The following HS2ST1 variants were observed in gnomAD, a reference collection of about 807,000 sequenced individuals.
HS2ST1 encodes the protein heparan sulfate 2-O-sulfotransferase 1, also known as 2-O-sulfotransferase.
HS2ST1 carries 18 observed loss-of-function variants against 42.9 expected under a neutral mutation model. That is an observed-to-expected ratio of 0.42 (90% CI 0.29 to 0.62). HS2ST1 has a LOEUF of 0.62. Among genes scored for constraint, HS2ST1 ranks in the 20% least tolerant of loss-of-function variants. The pLI is 0.21. For missense variants in HS2ST1, 334 were observed against 433.8 expected, an observed-to-expected ratio of 0.77 and a Z score of 2.04; for synonymous variants, 146 against 152.9, an observed-to-expected ratio of 0.95 and a Z score of 0.33.
intron 1 of HS2ST1, among the ~76,000 whole-genome samples, chr1:87,072,091 A>G (rs1651427102): frequency 6.6e-6 from 1 of 152,160 alleles, no homozygotes; most frequent in Non-Finnish European, 1.5e-5. Flanking sequence ...TAAATAGAGA[A>G]TACTAGAAAG....
At chr1:86,955,771 G>A (rs563749848) in intron 1 of HS2ST1, among the ~76,000 whole-genome samples, 6 of 152,296 alleles carry the variant, frequency 3.9e-5, no homozygotes, top group African/African-American at 1.2e-4. Context: ...GATTGCCTGA[G>A]TCCAGGAGTT....
intron 1 of HS2ST1, among the ~76,000 whole-genome samples, chr1:86,968,430 C>CT (rs5775927): frequency 0.76 from 113,109 of 149,022 alleles, 43,470 homozygotes; most frequent in East Asian, 0.97. Flanking sequence ...TTCTCCAATC[C>CT]TTTTTTTTTT....
rs536779681 is a variant in HS2ST1 at position 87,006,545 on chromosome 1, A to G, written c.125-66389A>G. On this transcript the variant is annotated intron_variant, in intron 1 of 6. Transcript: ENST00000370550. Reference sequence around the variant, plus strand: ...CAACACTTAGTAATTCTGTGCACAGATGATTAATAGCCAAATGGTTATAGA... The same window carrying G: ...CAACACTTAGTAATTCTGTGCACAGGTGATTAATAGCCAAATGGTTATAGA... Among the ~76,000 whole-genome samples, 4 of 152,284 alleles carry G rather than the reference A, an allele frequency of 2.6e-5. No homozygotes were observed. The East Asian group carries it at 7.7e-4, about 29-fold the overall frequency.
chr1:86,922,406 AG>A, intron 1 of HS2ST1, among the ~76,000 whole-genome samples: 1 of 130,612 alleles, frequency 7.7e-6, no homozygotes, highest in East Asian at 2.0e-4. Flanking sequence ...TACCATTCCC[AG>A]TGTTCTTCAT....
rs189499390 is a variant in HS2ST1 at position 86,942,930 on chromosome 1, C to T, written c.124+27770C>T. On this transcript the variant is annotated intron_variant, in intron 1 of 6. Coordinates refer to ENST00000370550, the MANE Select transcript of HS2ST1 (RefSeq NM_012262.4). ...TAGGAGTCATCCTTGATTTTTTTTCCCCCCTTATCTACAATCATCAGACTT... is the reference window on the plus strand; with the variant it reads ...TAGGAGTCATCCTTGATTTTTTTTCTCCCCTTATCTACAATCATCAGACTT... Among the ~76,000 whole-genome samples, 449 of 151,566 alleles carry T rather than the reference C, an allele frequency of 3.0e-3. 3 individuals carry two copies. Among genetic ancestry groups the T allele is most frequent in the Non-Finnish European group, 4.8e-3 (329 of 67,858 alleles).
chr1:87,081,970 C>CAAAAAAAAA (rs1041749210), intron 2 of HS2ST1, among the ~76,000 whole-genome samples: 1 of 62,648 alleles, frequency 1.6e-5, no homozygotes, highest in Non-Finnish European at 3.2e-5. Flanking sequence ...GACTCCGTCT[C>CAAAAAAAAA]AAAAAAAAAA....
intron 1 of HS2ST1, among the ~76,000 whole-genome samples, chr1:87,015,051 TG>T (rs1553137597): frequency 2.2e-4 from 2 of 9,092 alleles, no homozygotes. Context: ...TTTAGTTTTT[TG>T]TTTGTTTGTT....
At chr1:86,963,062 T>C (rs1239048675) in intron 1 of HS2ST1, among the ~76,000 whole-genome samples, 2 of 152,172 alleles carry the variant, frequency 1.3e-5, no homozygotes, top group Non-Finnish European at 2.9e-5. Flanking sequence ...TAATTCTCTA[T>C]TAGTAGCTAA....
intron 1 of HS2ST1, among the ~76,000 whole-genome samples, chr1:87,036,066 T>C (rs1280210345): frequency 2.0e-5 from 3 of 152,262 alleles, no homozygotes; most frequent in Admixed American, 6.5e-5. Context: ...AGTGAAAACA[T>C]TGGTTTTCTG....
intron 1 of HS2ST1, among the ~76,000 whole-genome samples, chr1:86,964,974 C>T (rs1432077456): frequency 1.3e-5 from 2 of 152,142 alleles, no homozygotes; most frequent in South Asian, 2.1e-4. Flanking sequence ...CATTCTAGAT[C>T]TCCTTTAAAC....
At chr1:87,061,229 C>G (rs115615696) in intron 1 of HS2ST1, among the ~76,000 whole-genome samples, 3,676 of 152,026 alleles carry the variant, frequency 0.024, 47 homozygotes, top group South Asian at 0.057. Context: ...ATTATAAGAT[C>G]TCAATATTTG....
intron 1 of HS2ST1, among the ~76,000 whole-genome samples, chr1:86,951,887 C>T (rs1647531101): frequency 6.6e-6 from 1 of 152,178 alleles, no homozygotes; most frequent in Non-Finnish European, 1.5e-5. Flanking sequence ...CATCTCAAAC[C>T]ATTTTCTTTG....
At chr1:87,036,173 G>C (rs1212514138) in intron 1 of HS2ST1, among the ~76,000 whole-genome samples, 1 of 152,154 alleles carries the variant, frequency 6.6e-6, no homozygotes, top group Non-Finnish European at 1.5e-5. Flanking sequence ...TGGTGTATAT[G>C]TGCCACAGTT....
At chr1:87,001,790 T>C (rs1238756350) in intron 1 of HS2ST1, among the ~76,000 whole-genome samples, 2 of 152,006 alleles carry the variant, frequency 1.3e-5, no homozygotes, top group African/African-American at 4.8e-5. Context: ...ATTTTGTATA[T>C]TTAGTAGAGA....
At chr1:86,998,031 T>G (rs1570473295) in intron 1 of HS2ST1, among the ~76,000 whole-genome samples, 1 of 152,232 alleles carries the variant, frequency 6.6e-6, no homozygotes. Flanking sequence ...TGAAGCAATA[T>G]ATGATTCTTA....
chr1:86,951,265 T>C (rs1012840038), intron 1 of HS2ST1, among the ~76,000 whole-genome samples: 6 of 152,234 alleles, frequency 3.9e-5, no homozygotes, highest in South Asian at 2.1e-4. Context: ...GTAGACTCAA[T>C]TGGAGACTGC....
intron 1 of HS2ST1, chr1:86,993,108 C>T (rs1293698341): frequency 7.5e-6 from 12 of 1,601,478 alleles, no homozygotes; most frequent in African/African-American, 1.3e-5. Flanking sequence ...TCATTCATCT[C>T]GAAGTATTCA....
chr1:87,009,082 G>T (rs945782262), intron 1 of HS2ST1, among the ~76,000 whole-genome samples: 1 of 152,098 alleles, frequency 6.6e-6, no homozygotes, highest in African/African-American at 2.4e-5. Flanking sequence ...GAGCTCAAGC[G>T]ATCGCCCACC....
chr1:87,077,120 A>G (rs1256075141), intron 2 of HS2ST1, among the ~76,000 whole-genome samples: 2 of 152,246 alleles, frequency 1.3e-5, no homozygotes, highest in African/African-American at 2.4e-5. Context: ...GCCAAAATTA[A>G]TGCCGCTGGT....
Sources: gnomAD v4.1 joint callset for allele counts (sites outside exome capture counted in the v4.1 genomes callset) on GRCh38, gnomAD v4.1.1 for gene constraint, MANE v1.5 for transcripts, NCBI Gene and HGNC (gene_info 2026-07-23, HGNC 2026-07-21) for gene names.